TMEM182: variants seen among roughly 807,000 people sequenced by gnomAD.
The protein encoded by TMEM182 is transmembrane protein 182.
TMEM182 carries 20 observed loss-of-function variants against 26.8 expected under a neutral mutation model. That is an observed-to-expected ratio of 0.75 (90% CI 0.53 to 1.09). The LOEUF (loss-of-function observed/expected upper bound fraction) is 1.09, where lower values mean the gene tolerates loss of function less well. Ranked by LOEUF, TMEM182 falls within the 50% of genes least tolerant of loss-of-function variation. The pLI, the probability that TMEM182 is intolerant of heterozygous loss-of-function variation, is 0.00. For missense variants in TMEM182, 277 were observed against 275.5 expected, an observed-to-expected ratio of 1.01 and a Z score of -0.04; for synonymous variants, 109 against 102.2, an observed-to-expected ratio of 1.07 and a Z score of -0.40.
intron 3 of TMEM182, among the ~76,000 whole-genome samples, chr2:102,781,919 A>G (rs1681182759): frequency 6.6e-6 from 1 of 152,198 alleles, no homozygotes; most frequent in Non-Finnish European, 1.5e-5. Flanking sequence ...GAAATTATCA[A>G]CAATTAGAGA....
At chr2:102,777,399 G>A (rs1248825404) in intron 3 of TMEM182, among the ~76,000 whole-genome samples, 1 of 151,992 alleles carries the variant, frequency 6.6e-6, no homozygotes, top group Non-Finnish European at 1.5e-5. Flanking sequence ...TGGAAAAAAC[G>A]ACTTTCTCCA....
intron 3 of TMEM182, among the ~76,000 whole-genome samples, chr2:102,777,871 A>G (rs539938077): frequency 4.6e-5 from 7 of 151,718 alleles, no homozygotes; most frequent in Non-Finnish European, 8.9e-5. Flanking sequence ...GGCAAAGAAC[A>G]TAATCCATAT....
chr2:102,803,407 T>C (rs749375629), intron 4 of TMEM182, among the ~76,000 whole-genome samples: 4 of 152,118 alleles, frequency 2.6e-5, no homozygotes, highest in Non-Finnish European at 4.4e-5. Context: ...ACACTTAATC[T>C]AGTGTAGGAA....
chr2:102,765,959 G>T (rs1173186858), intron 3 of TMEM182, among the ~76,000 whole-genome samples: 1 of 152,152 alleles, frequency 6.6e-6, no homozygotes, highest in Non-Finnish European at 1.5e-5. Context: ...GATGGCATAG[G>T]AAAGAATAGG....
chr2:102,805,218 A>G (rs1275745703), intron 4 of TMEM182, among the ~76,000 whole-genome samples: 2 of 152,236 alleles, frequency 1.3e-5, no homozygotes, highest in African/African-American at 4.8e-5. Context: ...TTCAGTGGAA[A>G]TGTGTCTAAC....
intron 3 of TMEM182, chr2:102,775,614 T>A (rs929291569): frequency 6.6e-6 from 1 of 152,152 alleles, no homozygotes; most frequent in Non-Finnish European, 1.5e-5. Context: ...TGTTTGCAGA[T>A]GACATGATTG....
intron 3 of TMEM182, among the ~76,000 whole-genome samples, chr2:102,791,058 C>T (rs1460892778): frequency 6.6e-6 from 1 of 152,124 alleles, no homozygotes; most frequent in East Asian, 1.9e-4. Flanking sequence ...GCCTCAGCCT[C>T]CCGAGTAGCT....
chr2:102,826,301 C>CT (rs375776814), intron 3 of TMEM182, among the ~76,000 whole-genome samples: 2,489 of 120,004 alleles, frequency 0.021, 76 homozygotes, highest in African/African-American at 0.063. Flanking sequence ...CTGCAGCTGG[C>CT]TTTTTTTTTT....
At chr2:102,782,814 G>A (rs939569014) in intron 3 of TMEM182, among the ~76,000 whole-genome samples, 1 of 152,154 alleles carries the variant, frequency 6.6e-6, no homozygotes, top group Non-Finnish European at 1.5e-5. Context: ...TTTGTATAGA[G>A]CATCAATATA....
At chr2:102,833,198 G>A (rs1683182692) in intron 3 of TMEM182, among the ~76,000 whole-genome samples, 2 of 152,250 alleles carry the variant, frequency 1.3e-5, no homozygotes, top group South Asian at 2.1e-4. Context: ...AGGGTTGCTG[G>A]CAGGGGCTTA....
intron 3 of TMEM182, among the ~76,000 whole-genome samples, chr2:102,787,370 A>G (rs1461735245): frequency 6.6e-6 from 1 of 152,202 alleles, no homozygotes; most frequent in Non-Finnish European, 1.5e-5. Flanking sequence ...TTGCTGGCAG[A>G]AAGAGAATGA....
At chr2:102,797,646 A>T (rs1158081103) in intron 3 of TMEM182, 2 of 511,732 alleles carry the variant, frequency 3.9e-6, no homozygotes, top group Non-Finnish European at 6.8e-6. Flanking sequence ...ATTGAGCAAG[A>T]GGAGTTGATT....
intron 1 of TMEM182, among the ~76,000 whole-genome samples, chr2:102,744,869 C>T (rs1305847145): frequency 6.6e-6 from 1 of 152,038 alleles, no homozygotes; most frequent in Non-Finnish European, 1.5e-5. Flanking sequence ...ATATGAGATG[C>T]TTACATGTGT....
chr2:102,788,589 G>A (rs1305734431), intron 3 of TMEM182, among the ~76,000 whole-genome samples: 1 of 151,856 alleles, frequency 6.6e-6, no homozygotes, highest in African/African-American at 2.4e-5. Context: ...ACCCTTCCTG[G>A]TACCCAGGAA....
In TMEM182 at chr2:102,814,856, C is replaced by T. The variant is rs1247329470; in HGVS notation, c.578C>T (p.Pro193Leu). 6.2e-7 allele frequency: 1 copy of T among 1,613,954 alleles called. No individual in the cohort carries two copies. Among genetic ancestry groups the T allele is most frequent in the East Asian group, 2.2e-5 (1 of 44,878 alleles). ...MKMKDCLDFT[P>L]SVLYGWSFFL... is the part of the protein sequence containing the mutation. Reference sequence around the variant, plus strand: ...ATGAAGGACTGCCTGGATTTCACCCCTTCTGTTCTGTATGGCTGGTCATTT... The same window carrying T: ...ATGAAGGACTGCCTGGATTTCACCCTTTCTGTTCTGTATGGCTGGTCATTT... Residue 193 changes from proline (P) to leucine (L), a missense_variant, in exon 5 of 5, where the codon CCT becomes CTT. Transcript: ENST00000412401.
chr2:102,757,045 C>T (rs181969963), upstream of TMEM182, among the ~76,000 whole-genome samples: 604 of 152,184 alleles, frequency 4.0e-3, 9 homozygotes, highest in African/African-American at 0.014. Context: ...CTCCTGACCT[C>T]GTGATCCACC....
At chr2:102,751,125 T>C (rs1259647051) in intron 1 of TMEM182, among the ~76,000 whole-genome samples, 2 of 151,614 alleles carry the variant, frequency 1.3e-5, no homozygotes, top group African/African-American at 4.9e-5. Flanking sequence ...AAGGAGTGAG[T>C]TTAGGAGCAG....
At chr2:102,739,915 G>T (rs1266345487) in intron 1 of TMEM182, among the ~76,000 whole-genome samples, 2 of 152,116 alleles carry the variant, frequency 1.3e-5, no homozygotes, top group African/African-American at 2.4e-5. Context: ...CTCTGATCCA[G>T]TCGTCCTATG....
chr2:102,761,489 T>C (rs1204087044), upstream of TMEM182, among the ~76,000 whole-genome samples: 1 of 152,234 alleles, frequency 6.6e-6, no homozygotes, highest in Non-Finnish European at 1.5e-5. Context: ...TAAAAGCTCT[T>C]CTTTATACTT....
Sources: allele counts gnomAD v4.1 joint callset (sites outside exome capture counted in the v4.1 genomes callset), GRCh38; gene constraint gnomAD v4.1.1; transcripts MANE v1.5; gene names NCBI Gene and HGNC (gene_info 2026-07-23, HGNC 2026-07-21).